MAPK4: variants seen among roughly 807,000 people sequenced by gnomAD.
MAPK4 encodes the protein mitogen-activated protein kinase 4.
Under a neutral mutation model 47.7 loss-of-function variants are expected in MAPK4, and 22 were observed. That is an observed-to-expected ratio of 0.46 (90% confidence interval 0.33 to 0.66). The LOEUF is 0.66. Among genes scored for constraint, MAPK4 ranks in the 30% least tolerant of loss-of-function variants. MAPK4 has a pLI of 0.02. For missense variants in MAPK4, 736 were observed against 831.7 expected (o/e 0.88, Z 1.42); for synonymous variants, 390 against 365.7 (o/e 1.07, Z -0.76).
intron 2 of MAPK4, among the ~76,000 whole-genome samples, chr18:50,673,940 A>G (rs1908113220): frequency 6.6e-6 from 1 of 152,202 alleles, no homozygotes; most frequent in African/African-American, 2.4e-5. Context: ...TGTTGTTTTT[A>G]AAGAGTAGTT....
At chr18:50,654,211 C>T (rs1262823824) in intron 1 of MAPK4, among the ~76,000 whole-genome samples, 2 of 152,186 alleles carry the variant, frequency 1.3e-5, no homozygotes, top group Admixed American at 1.3e-4. Flanking sequence ...ATTTATGGGT[C>T]CCAAAATTCG....
At chr18:50,579,991 G>C (rs1451913700) in intron 1 of MAPK4, among the ~76,000 whole-genome samples, 1 of 152,122 alleles carries the variant, frequency 6.6e-6, no homozygotes, top group African/African-American at 2.4e-5. Flanking sequence ...TTTGATTTGT[G>C]GTTTCCTCTC....
chr18:50,699,233 A>G (rs1478672850), intron 2 of MAPK4, among the ~76,000 whole-genome samples: 4 of 152,220 alleles, frequency 2.6e-5, no homozygotes, highest in Non-Finnish European at 5.9e-5. Context: ...CAGGAATAAA[A>G]GAACTACCTT....
chr18:50,669,021 CTT>C (rs1446478737), intron 2 of MAPK4, among the ~76,000 whole-genome samples: 2 of 152,240 alleles, frequency 1.3e-5, no homozygotes, highest in Admixed American at 6.5e-5. Flanking sequence ...ACTAACCAAA[CTT>C]TGCCCAAAGA....
intron 2 of MAPK4, among the ~76,000 whole-genome samples, chr18:50,679,341 T>C (rs534403912): frequency 1.1e-4 from 17 of 152,302 alleles, no homozygotes; most frequent in African/African-American, 4.1e-4. Context: ...AATTTGCAAA[T>C]GCTCTGGGTC....
intron 1 of MAPK4, among the ~76,000 whole-genome samples, chr18:50,654,474 T>C (rs1383836741): frequency 1.3e-5 from 2 of 152,178 alleles, no homozygotes; most frequent in Non-Finnish European, 1.5e-5. Flanking sequence ...AAGCCCCAAA[T>C]AGGGCCTCAC....
intron 2 of MAPK4, among the ~76,000 whole-genome samples, chr18:50,690,803 A>G (rs946665057): frequency 2.6e-5 from 4 of 152,362 alleles, no homozygotes; most frequent in Admixed American, 6.5e-5. Flanking sequence ...AAATTTTTAA[A>G]TGAACCTGTG....
intron 3 of MAPK4, among the ~76,000 whole-genome samples, chr18:50,721,394 TG>T (rs1910926273): frequency 6.6e-6 from 1 of 152,238 alleles, no homozygotes; most frequent in African/African-American, 2.4e-5. Flanking sequence ...TGGCATAGCC[TG>T]GCCTGCCTTC....
chr18:50,650,189 G>T (rs2043033075), intron 1 of MAPK4, among the ~76,000 whole-genome samples: 2 of 152,194 alleles, frequency 1.3e-5, no homozygotes, highest in South Asian at 4.1e-4. Flanking sequence ...AAGGCTCCCA[G>T]GCAGTGAGAA....
intron 2 of MAPK4, among the ~76,000 whole-genome samples, chr18:50,694,138 G>A (rs185741036): frequency 5.3e-5 from 8 of 152,318 alleles, no homozygotes; most frequent in South Asian, 4.1e-4. Context: ...AAAGAAAGTC[G>A]TGGGCTGTGT....
chr18:50,643,763 T>G (rs1239509848), intron 1 of MAPK4, among the ~76,000 whole-genome samples: 1 of 152,176 alleles, frequency 6.6e-6, no homozygotes, highest in African/African-American at 2.4e-5. Flanking sequence ...CTGCCGGTCT[T>G]GCCTCTTGTT....
At chr18:50,574,338 G>A (rs903369523) in intron 1 of MAPK4, among the ~76,000 whole-genome samples, 6 of 152,134 alleles carry the variant, frequency 3.9e-5, no homozygotes, top group Non-Finnish European at 5.9e-5. Flanking sequence ...GAAAACAAAA[G>A]GAATAAATGA....
Position 50,663,797 on chromosome 18 carries a change from C to T in MAPK4, c.-162C>T, listed in dbSNP as rs1174715307. 15 of 617,694 alleles carry T rather than the reference C, an allele frequency of 2.4e-5. No individual in the cohort carries two copies. Among genetic ancestry groups the T allele is most frequent in the Admixed American group, 5.9e-5 (2 of 33,672 alleles). 38.3% of individuals were successfully genotyped at this position (617,694 alleles called of 1,614,324 possible). On this transcript the variant is annotated 5_prime_UTR_variant, in exon 2 of 6. Transcript: ENST00000400384. ...AGCGAGCATGACCATATGCCATTCT[C>T]GTCTCCAGAGAGCTGGTGGCAGTGA...
chr18:50,562,233 G>C (rs1185779547), intron 1 of MAPK4, among the ~76,000 whole-genome samples: 1 of 152,148 alleles, frequency 6.6e-6, no homozygotes, highest in African/African-American at 2.4e-5. Context: ...AACCTAATCT[G>C]CTTTAACTCA....
Position 50,594,145 on chromosome 18 carries a change from G to A in MAPK4, c.-871+33902G>A, listed in dbSNP as rs146368376. Among the ~76,000 whole-genome samples the A allele has an allele frequency of 1.7e-3, 259 of 152,270 alleles. 1 individual carries two copies. Among genetic ancestry groups the A allele is most frequent in the Non-Finnish European group, 3.0e-3 (204 of 68,016 alleles). ...CCAGCATGGGAGAAATATGAAAGCC[G>A]GAAGACTCAGCAAGGCAGCTTATCC... On this transcript the variant is annotated intron_variant, in intron 1 of 5. Coordinates refer to ENST00000400384, the MANE Select transcript of MAPK4 (RefSeq NM_002747.4).
chr18:50,655,968 T>C (rs190487888), intron 1 of MAPK4, among the ~76,000 whole-genome samples: 34 of 152,282 alleles, frequency 2.2e-4, no homozygotes, highest in African/African-American at 7.9e-4. Context: ...GACACTGCCC[T>C]GGACCCTGGG....
chr18:50,613,562 A>G (rs2042658364), intron 1 of MAPK4, among the ~76,000 whole-genome samples: 1 of 152,216 alleles, frequency 6.6e-6, no homozygotes, highest in Non-Finnish European at 1.5e-5. Context: ...TACCCACAGA[A>G]ACTGGGATAT....
In MAPK4 at chr18:50,664,210, C is replaced by G; in HGVS notation, c.252C>G (p.Leu84=). 1.2e-6 allele frequency: 2 copies of G among 1,614,052 alleles called. No homozygotes were observed. The highest frequency in any genetic ancestry group is 1.7e-6 in the Non-Finnish European group (2 of 1,180,014). Reference sequence around the variant, plus strand: ...ACATCGTCAAAGTGTACGAGGTGCTCGGTCCCAAGGGCACTGACCTGCAGG... The same window carrying G: ...ACATCGTCAAAGTGTACGAGGTGCTGGGTCCCAAGGGCACTGACCTGCAGG... ...HDNIVKVYEV[L]GPKGTDLQGE... Residue 84 remains leucine, a synonymous_variant, in exon 2 of 6, where the codon CTC becomes CTG. Coordinates refer to ENST00000400384, the MANE Select transcript of MAPK4 (RefSeq NM_002747.4). This position sits in a 1 kb window ranked among gnomAD's most constrained non-coding sequence, Gnocchi z 6.0.
intron 1 of MAPK4, among the ~76,000 whole-genome samples, chr18:50,635,922 G>T (rs969685492): frequency 6.6e-5 from 10 of 152,112 alleles, no homozygotes; most frequent in African/African-American, 2.4e-4. Context: ...CCATGGTGTG[G>T]TCCACTAGGC....
Sources: allele counts gnomAD v4.1 joint callset (sites outside exome capture counted in the v4.1 genomes callset), GRCh38; gene constraint gnomAD v4.1.1; non-coding constraint Gnocchi (gnomAD v3.1); transcripts MANE v1.5; gene names NCBI Gene and HGNC (gene_info 2026-07-23, HGNC 2026-07-21).